NRXN1: variants seen among roughly 807,000 people sequenced by gnomAD.
The protein encoded by NRXN1 is neurexin-1.
NRXN1 carries 39 observed loss-of-function variants against 150.9 expected under a neutral mutation model. The ratio of observed to expected loss-of-function variants is 0.26; its 90% CI spans 0.20 to 0.34. The LOEUF is 0.34. Ranked by LOEUF, NRXN1 falls within the 10% of genes least tolerant of loss-of-function variation. The probability of loss-of-function intolerance (pLI) is 1.00; values close to 1 mark genes in which losing one functional copy is unlikely to be tolerated. For synonymous variants in NRXN1, 924 were observed against 757.0 expected, an observed-to-expected ratio of 1.22 and a Z score of -3.62; for missense variants, 1,815 against 1,949.9, an observed-to-expected ratio of 0.93 and a Z score of 1.30.
intron 17 of NRXN1, among the ~76,000 whole-genome samples, chr2:50,268,537 T>C (rs2069165439): frequency 6.6e-6 from 1 of 152,110 alleles, no homozygotes; most frequent in African/African-American, 2.4e-5. Context: ...TGGAATATAA[T>C]TGAGCTCACA....
chr2:50,025,420 G>T (rs548255111), intron 21 of NRXN1, among the ~76,000 whole-genome samples: 64 of 152,288 alleles, frequency 4.2e-4, no homozygotes, highest in African/African-American at 1.4e-3. Context: ...AGTCAGACAT[G>T]TTGAAATGAA....
intron 21 of NRXN1, chr2:50,019,359 G>A: frequency 2.1e-5 from 10 of 470,518 alleles, no homozygotes; most frequent in South Asian, 1.5e-4. Flanking sequence ...TAAGAGCTAG[G>A]TCGGGCTGGG....
At chr2:50,192,228 T>C (rs751682455) in intron 18 of NRXN1, among the ~76,000 whole-genome samples, 16 of 152,230 alleles carry the variant, frequency 1.1e-4, no homozygotes, top group Non-Finnish European at 1.6e-4. Context: ...TTCAGTGTAA[T>C]AAGAAATCTG....
At chr2:50,707,139 C>T (rs1454285593) in intron 5 of NRXN1, among the ~76,000 whole-genome samples, 1 of 152,004 alleles carries the variant, frequency 6.6e-6, no homozygotes, top group Non-Finnish European at 1.5e-5. Flanking sequence ...TTGCTTGGCC[C>T]AACTTTGATA....
chr2:50,488,900 A>T (rs1054746326), intron 15 of NRXN1, among the ~76,000 whole-genome samples: 5 of 152,202 alleles, frequency 3.3e-5, no homozygotes, highest in Admixed American at 6.5e-5. Context: ...TTCCCTAAAG[A>T]GGGACCTGCA....
intron 17 of NRXN1, among the ~76,000 whole-genome samples, chr2:50,388,738 C>A (rs993774418): frequency 3.3e-5 from 5 of 152,040 alleles, no homozygotes; most frequent in Admixed American, 3.3e-4. Context: ...ATAGGGCATT[C>A]TTTTCTTATC....
intron 5 of NRXN1, among the ~76,000 whole-genome samples, chr2:50,843,159 A>C (rs955570874): frequency 6.6e-6 from 1 of 152,168 alleles, no homozygotes; most frequent in Non-Finnish European, 1.5e-5. Flanking sequence ...AGGGACAAGA[A>C]ACCTTAGTTC....
intron 18 of NRXN1, among the ~76,000 whole-genome samples, chr2:50,102,007 A>C (rs11894661): frequency 0.13 from 20,425 of 151,938 alleles, 1,551 homozygotes; most frequent in East Asian, 0.19. Flanking sequence ...CCTTAGGAAA[A>C]AAATGTGTGT....
intron 2 of NRXN1, among the ~76,000 whole-genome samples, chr2:50,937,430 T>C (rs1268208820): frequency 6.6e-6 from 1 of 152,134 alleles, no homozygotes; most frequent in Non-Finnish European, 1.5e-5. Flanking sequence ...AATGAGTATG[T>C]TTCTTTTAGT....
chr2:50,057,412 T>C (rs985239947), intron 19 of NRXN1, among the ~76,000 whole-genome samples: 7 of 152,174 alleles, frequency 4.6e-5, no homozygotes, highest in African/African-American at 1.7e-4. Flanking sequence ...GGTAGGAACA[T>C]TGCTTCCCCA....
intron 17 of NRXN1, among the ~76,000 whole-genome samples, chr2:50,433,086 G>T (rs373105544): frequency 1.3e-5 from 2 of 152,140 alleles, no homozygotes; most frequent in Non-Finnish European, 2.9e-5. Flanking sequence ...CCAGAAACAA[G>T]CTTCAACTAT....
chr2:50,539,057 A>T (rs2093332904), intron 9 of NRXN1, among the ~76,000 whole-genome samples: 1 of 152,214 alleles, frequency 6.6e-6, no homozygotes, highest in Admixed American at 6.5e-5. Context: ...TCATGTTCCT[A>T]TTTTAACTGA....
chr2:50,131,421 T>C lies in NRXN1; in HGVS notation c.3547-39927A>G, dbSNP rs147306638. The stretch of plus-strand genomic sequence containing the variant: ...CAAGATATCACTAAGCTCAGTCTTG[T>C]AAACCCTAACAAGGTCCAGTTTTGA... On this transcript the variant is annotated intron_variant, in intron 18 of 22. Coordinates refer to ENST00000401669, the MANE Select transcript of NRXN1 (RefSeq NM_001330078.2). Among the ~76,000 whole-genome samples, 169 of 152,312 alleles carry C rather than the reference T, an allele frequency of 1.1e-3. 4 individuals are homozygous for C. The East Asian group carries it at 0.031, about 28-fold the overall frequency.
chr2:50,147,214 C>G (rs959077700), intron 18 of NRXN1, among the ~76,000 whole-genome samples: 8 of 151,620 alleles, frequency 5.3e-5, no homozygotes, highest in Non-Finnish European at 1.0e-4. Flanking sequence ...TTGCTAGCAG[C>G]TAGAAGAAGC....
intron 2 of NRXN1, among the ~76,000 whole-genome samples, chr2:50,952,104 C>G (rs1044820295): frequency 9.3e-5 from 14 of 149,968 alleles, no homozygotes; most frequent in Non-Finnish European, 1.8e-4. Flanking sequence ...GTAGCTGGGA[C>G]TATAGGCGCC....
chr2:49,928,208 C>T (rs7561609), intron 22 of NRXN1, among the ~76,000 whole-genome samples: 1 of 151,324 alleles, frequency 6.6e-6, no homozygotes, highest in Non-Finnish European at 1.5e-5. Flanking sequence ...GCCCAGCACG[C>T]ATCATTCTGC....
Position 50,896,846 on chromosome 2 carries a change from CAA to C in NRXN1, c.832+25021_832+25022del, listed in dbSNP as rs11303142. 2.4e-3 allele frequency among the ~76,000 whole-genome samples: 314 copies of C among 128,300 alleles called. 2 individuals are homozygous for C. Among genetic ancestry groups the C allele is most frequent in the African/African-American group, 7.4e-3 (257 of 34,526 alleles). 84.2% of individuals were successfully genotyped at this position (128,300 alleles called of 152,430 possible). A position where few individuals can be genotyped will look rare whatever the true frequency, so the allele number is the denominator to read the frequency against. On this transcript the variant is annotated intron_variant, in intron 5 of 22. Transcript: ENST00000401669. ...TGGGCGACAGAGCAAGATTCTGTCT[CAA>C]AAAAAAAAAAAAATTCAGAATAGAC...
At chr2:50,932,145 T>C (rs1194838801) in intron 2 of NRXN1, among the ~76,000 whole-genome samples, 1 of 152,114 alleles carries the variant, frequency 6.6e-6, no homozygotes, top group African/African-American at 2.4e-5. Context: ...CCCAGTACTT[T>C]GGGAGGCTGA....
chr2:50,222,422 A>C (rs1426437688), intron 18 of NRXN1, among the ~76,000 whole-genome samples: 1 of 151,790 alleles, frequency 6.6e-6, no homozygotes. Context: ...ATATGAAAAC[A>C]CTCCAGTTTG....
Sources: allele counts gnomAD v4.1 joint callset (sites outside exome capture counted in the v4.1 genomes callset), GRCh38; gene constraint gnomAD v4.1.1; transcripts MANE v1.5; gene names NCBI Gene and HGNC (gene_info 2026-07-23, HGNC 2026-07-21).